EHD2: variants seen among roughly 807,000 people sequenced by gnomAD.
The protein encoded by EHD2 is EH domain-containing protein 2.
EHD2 carries 27 observed loss-of-function variants against 41.0 expected under a neutral mutation model. The ratio of observed to expected loss-of-function variants is 0.66; its 90% CI spans 0.49 to 0.91. The LOEUF is 0.91. Ranked by LOEUF, EHD2 falls within the 40% of genes least tolerant of loss-of-function variation. The probability of loss-of-function intolerance (pLI) is 0.00; values close to 1 mark genes in which losing one functional copy is unlikely to be tolerated. For synonymous variants in EHD2, 342 were observed against 341.0 expected, an observed-to-expected ratio of 1.00 and a Z score of -0.03; for missense variants, 673 against 773.9, an observed-to-expected ratio of 0.87 and a Z score of 1.55.
At position 47,741,689 on chromosome 19, in the gene EHD2, G is replaced by T; in HGVS notation, c.*257G>T. On this transcript the variant is annotated 3_prime_UTR_variant, in exon 6 of 6. Coordinates refer to ENST00000263277, the MANE Select transcript of EHD2 (RefSeq NM_014601.4). This position sits in a 1 kb window ranked among gnomAD's most constrained non-coding sequence, Gnocchi z 4.5. ...GCACATCACACACACACTGGCACAC[G>T]CAGGCATCCATCCATCCGTCATTCA... is the stretch of plus-strand genomic sequence containing the variant. 1 of 632,156 alleles carries T rather than the reference G, an allele frequency of 1.6e-6. No individual in the cohort carries two copies. Among genetic ancestry groups the T allele is most frequent in the East Asian group, 2.8e-5 (1 of 35,616 alleles). The allele number at this position is 632,156 out of a possible 1,614,324, so 39.2% of individuals were successfully genotyped here.
At chr19:47,726,793 T>C (rs1430944287) in intron 4 of EHD2, among the ~76,000 whole-genome samples, 1 of 152,050 alleles carries the variant, frequency 6.6e-6, no homozygotes, top group East Asian at 1.9e-4. Context: ...CCTTCCTCCT[T>C]AGCCTGCCCC....
At chr19:47,722,069 A>C (rs1973703057) in intron 3 of EHD2, among the ~76,000 whole-genome samples, 1 of 150,292 alleles carries the variant, frequency 6.7e-6, no homozygotes, top group South Asian at 2.1e-4. Context: ...GGGAATAATA[A>C]TACTAGCGGC....
rs1568594930 is a variant in EHD2 at position 47,741,178 on chromosome 19, C to G, written c.1378C>G (p.Leu460Val). 6.2e-7 allele frequency: 1 copy of G among 1,613,870 alleles called. No homozygotes were observed. The change falls in exon 6 of 6, where the codon CTG (leucine) becomes GTG (valine). Residue 460 changes from leucine (L) to valine (V), a missense_variant. Coordinates refer to ENST00000263277, the MANE Select transcript of EHD2 (RefSeq NM_014601.4). This position sits in a 1 kb window ranked among gnomAD's most constrained non-coding sequence, Gnocchi z 4.5. ...CAAATACGACGAGATCTTCTACAACCTGGCGCCTGCCGACGGCAAGCTGAG... is the reference window on the plus strand; with the variant it reads ...CAAATACGACGAGATCTTCTACAACGTGGCGCCTGCCGACGGCAAGCTGAG... ...KSKYDEIFYNLAPADGKLSGS... is the reference protein window; with the variant it reads ...KSKYDEIFYNVAPADGKLSGS...
intron 4 of EHD2, among the ~76,000 whole-genome samples, chr19:47,730,117 G>GAA (rs1973793159): frequency 6.6e-6 from 1 of 152,000 alleles, no homozygotes; most frequent in Non-Finnish European, 1.5e-5. Context: ...GGCTGGGGGC[G>GAA]GCTCCGGAAA....
intron 3 of EHD2, among the ~76,000 whole-genome samples, chr19:47,720,036 A>G (rs1490684810): frequency 6.7e-6 from 1 of 150,194 alleles, no homozygotes; most frequent in Non-Finnish European, 1.5e-5. Context: ...GGTTCCACGC[A>G]TTTGTGTATA....
chr19:47,716,833 T>C lies in EHD2; in HGVS notation c.221T>C (p.Phe74Ser). 2 of 1,609,892 alleles carry C rather than the reference T, an allele frequency of 1.2e-6. No individual in the cohort carries two copies. The highest frequency in any genetic ancestry group is 1.7e-6 in the Non-Finnish European group (2 of 1,177,838). The change falls in exon 2 of 6, where the codon TTC (phenylalanine) becomes TCC (serine). Residue 74 changes from phenylalanine to serine, a missense_variant. Phe to Ser is a radical substitution (Grantham distance 155). Transcript: ENST00000263277. ...CAGTACAGCACGGGCAAGACCAGCTTCATCCAGTACCTGCTGGAGCAGGAG... is the reference window on the plus strand; with the variant it reads ...CAGTACAGCACGGGCAAGACCAGCTCCATCCAGTACCTGCTGGAGCAGGAG... ...AGQYSTGKTS[F>S]IQYLLEQEVP...
intron 4 of EHD2, chr19:47,731,317 T>G (rs1312924743): frequency 2.7e-5 from 2 of 73,434 alleles, no homozygotes; most frequent in Non-Finnish European, 7.7e-5. Context: ...TATATATAAT[T>G]TTTTTTTTTT....
intron 2 of EHD2, 116 bp downstream of exon 2, chr19:47,717,132 C>T (rs539375663): frequency 8.2e-6 from 11 of 1,346,554 alleles, no homozygotes; most frequent in Middle Eastern, 2.1e-4. Context: ...ATGGCAACCT[C>T]CACCTCCTGG....
At chr19:47,725,662 G>A in intron 3 of EHD2, 150 bp from the exon 4 acceptor site, 1 of 1,032,422 alleles carries the variant, frequency 9.7e-7, no homozygotes, top group Non-Finnish European at 1.3e-6. Flanking sequence ...GAGGGCCTTG[G>A]CTATTTTGCC....
intron 3 of EHD2, among the ~76,000 whole-genome samples, chr19:47,725,396 C>CAAAAAAAAAAAAAA (rs10676405): frequency 1.3e-5 from 1 of 74,288 alleles, no homozygotes. Flanking sequence ...CATCTCTACT[C>CAAAAAAAAAAAAAA]AAAAAAAAAA....
Position 47,742,254 on chromosome 19 carries a change from A to T in EHD2, c.*822A>T. Reference sequence around the variant, plus strand: ...TGTTTTTGCCCCCAGTTCTGTCCACACCCCTTCCCTTTCCTGTCCTGTCCT... The same window carrying T: ...TGTTTTTGCCCCCAGTTCTGTCCACTCCCCTTCCCTTTCCTGTCCTGTCCT... On this transcript the variant is annotated 3_prime_UTR_variant, in exon 6 of 6. Transcript: ENST00000263277. 6.7e-6 allele frequency: 2 copies of T among 298,890 alleles called. No homozygotes were observed. Among genetic ancestry groups the T allele is most frequent in the East Asian group, 1.2e-4 (1 of 8,558 alleles). The allele number at this position is 298,890 out of a possible 1,614,324, so 18.5% of individuals were successfully genotyped here.
chr19:47,731,280 A>AAAAATATATATATATG (rs1491458646), intron 4 of EHD2: 3 of 54,728 alleles, frequency 5.5e-5, no homozygotes, highest in Non-Finnish European at 1.1e-4. Flanking sequence ...AAAAAAAAAA[A>AAAAATATATATATATG]TATATATATA....
intron 4 of EHD2, among the ~76,000 whole-genome samples, chr19:47,730,835 G>C (rs1156857135): frequency 6.6e-6 from 1 of 152,144 alleles, no homozygotes; most frequent in Non-Finnish European, 1.5e-5. Flanking sequence ...CAGTGGCCCA[G>C]TGACATTCAT....
At chr19:47,733,583 C>T (rs981447794) in intron 4 of EHD2, among the ~76,000 whole-genome samples, 6 of 150,752 alleles carry the variant, frequency 4.0e-5, no homozygotes, top group African/African-American at 1.5e-4. Context: ...AGGAGAATGG[C>T]GTGAACCCGG....
intron 3 of EHD2, among the ~76,000 whole-genome samples, chr19:47,724,321 A>C (rs1973727805): frequency 6.6e-6 from 1 of 152,068 alleles, no homozygotes; most frequent in Non-Finnish European, 1.5e-5. Context: ...AGCCTCCCAA[A>C]GTGCTGGGAT....
chr19:47,721,896 A>T (rs898084461), intron 3 of EHD2, among the ~76,000 whole-genome samples: 1 of 151,740 alleles, frequency 6.6e-6, no homozygotes, highest in African/African-American at 2.4e-5. Context: ...GAGGCAGAAG[A>T]ATTGCTTGAA....
At chr19:47,715,038 CAAATAAAT>C (rs60976490) in intron 1 of EHD2, among the ~76,000 whole-genome samples, 13,232 of 138,852 alleles carry the variant, frequency 0.095, 663 homozygotes, top group Non-Finnish European at 0.12. Flanking sequence ...ACTCCATCTC[CAAATAAAT>C]AAATAAATAA....
intron 3 of EHD2, among the ~76,000 whole-genome samples, chr19:47,720,521 CTT>C (rs898468977): frequency 4.6e-5 from 7 of 151,858 alleles, no homozygotes; most frequent in Non-Finnish European, 8.8e-5. Flanking sequence ...CTATGAGAGA[CTT>C]TGTGGGATAG....
chr19:47,721,487 T>G (rs945180396), intron 3 of EHD2, among the ~76,000 whole-genome samples: 2 of 151,912 alleles, frequency 1.3e-5, no homozygotes, highest in Non-Finnish European at 2.9e-5. Context: ...CTAATTTTTT[T>G]GTATTTTTAG....
Sources: allele counts gnomAD v4.1 joint callset (sites outside exome capture counted in the v4.1 genomes callset), GRCh38; gene constraint gnomAD v4.1.1; non-coding constraint Gnocchi (gnomAD v3.1); transcripts MANE v1.5; gene names NCBI Gene and HGNC (gene_info 2026-07-23, HGNC 2026-07-21).